The following FAM20B variants were observed in gnomAD, a reference collection of about 807,000 sequenced individuals.
The protein encoded by FAM20B is FAM20B glycosaminoglycan xylosylkinase.
FAM20B carries 23 observed loss-of-function variants against 43.8 expected under a neutral mutation model. That is an observed-to-expected ratio of 0.53 (90% CI 0.38 to 0.74). The LOEUF is 0.74. FAM20B is among the 30% of genes least tolerant of loss of function. FAM20B has a pLI of 0.00. For synonymous variants in FAM20B, 178 were observed against 192.4 expected, an observed-to-expected ratio of 0.93 and a Z score of 0.62; for missense variants, 440 against 510.5, an observed-to-expected ratio of 0.86 and a Z score of 1.33.
rs988612010 is a variant in FAM20B at position 179,037,280 on chromosome 1, A to G, written c.-133-6435A>G. Among the ~76,000 whole-genome samples the G allele has an allele frequency of 1.2e-4, 19 of 152,272 alleles. 1 individual carries two copies. The East Asian group carries it at 3.7e-3, about 29-fold the overall frequency. ...TGGAAATGAAAGACGGCTGTAAAGA[A>G]CAATGACAAATTGCACTCTTACTCA... On this transcript the variant is annotated intron_variant, in intron 1 of 7. Transcript: ENST00000263733.
chr1:179,019,284 C>T, the FAM20B span, among the ~76,000 whole-genome samples: 1 of 152,212 alleles, frequency 6.6e-6, no homozygotes, highest in East Asian at 1.9e-4. Context: ...GGTTGGGTGG[C>T]TGGAAGGAAG....
At chr1:179,050,512 A>G in intron 3 of FAM20B, 147 bp downstream of exon 3, 1 of 592,820 alleles carries the variant, frequency 1.7e-6, no homozygotes, top group Non-Finnish European at 3.0e-6. Context: ...GTTCCATTAA[A>G]CTTGTATGAG....
chr1:179,057,323 T>A (rs1651265261), intron 4 of FAM20B, among the ~76,000 whole-genome samples: 1 of 152,092 alleles, frequency 6.6e-6, no homozygotes, highest in Admixed American at 6.6e-5. Context: ...TCCAGCCTGG[T>A]CGACAGAGTG....
intron 2 of FAM20B, 87 bp downstream of exon 2, chr1:179,044,311 C>G: frequency 7.0e-7 from 1 of 1,431,938 alleles, no homozygotes; most frequent in African/African-American, 1.4e-5. Flanking sequence ...GTCATCTTCT[C>G]TTGGAAGTCT....
chr1:179,071,445 C>T (rs1290456011), intron 7 of FAM20B, among the ~76,000 whole-genome samples: 2 of 152,196 alleles, frequency 1.3e-5, no homozygotes, highest in African/African-American at 4.8e-5. Flanking sequence ...GTACTTCATT[C>T]CAATCCATGT....
At chr1:179,058,383 A>G (rs1651314543) in intron 4 of FAM20B, among the ~76,000 whole-genome samples, 1 of 152,202 alleles carries the variant, frequency 6.6e-6, no homozygotes, top group Non-Finnish European at 1.5e-5. Flanking sequence ...TAGTGAAAAT[A>G]AAGATGTAAT....
upstream of FAM20B, among the ~76,000 whole-genome samples, chr1:179,023,495 G>T (rs549814247): frequency 1.3e-4 from 20 of 152,136 alleles, no homozygotes; most frequent in Non-Finnish European, 2.5e-4. Flanking sequence ...CCTTAATTGG[G>T]GTTCCTGCCA....
chr1:179,057,970 T>A (rs1217006112), intron 4 of FAM20B, among the ~76,000 whole-genome samples: 1 of 152,216 alleles, frequency 6.6e-6, no homozygotes, highest in East Asian at 1.9e-4. Flanking sequence ...AGGTTTGTAT[T>A]TAACATTTTT....
At chr1:179,042,804 GA>G (rs1326887852) in intron 1 of FAM20B, among the ~76,000 whole-genome samples, 1 of 152,130 alleles carries the variant, frequency 6.6e-6, no homozygotes, top group East Asian at 1.9e-4. Flanking sequence ...ACAGTGGGTA[GA>G]TCCCTTGTGC....
intron 1 of FAM20B, among the ~76,000 whole-genome samples, chr1:179,042,760 G>A (rs1342307703): frequency 6.6e-6 from 1 of 152,196 alleles, no homozygotes; most frequent in Non-Finnish European, 1.5e-5. Context: ...ATGTTGTTCT[G>A]ATGAGAGTCT....
intron 1 of FAM20B, among the ~76,000 whole-genome samples, chr1:179,029,286 T>C (rs1259589851): frequency 6.6e-6 from 1 of 152,234 alleles, no homozygotes; most frequent in Non-Finnish European, 1.5e-5. Context: ...CCTTCAGCTG[T>C]CTCTGTAACC....
the FAM20B span, among the ~76,000 whole-genome samples, chr1:179,017,602 A>G: frequency 1.3e-5 from 2 of 152,166 alleles, no homozygotes; most frequent in Non-Finnish European, 2.9e-5. Flanking sequence ...TGAGCATTCT[A>G]TATTTATTTC....
upstream of FAM20B, among the ~76,000 whole-genome samples, chr1:179,022,381 A>G (rs1649618621): frequency 6.6e-6 from 1 of 152,054 alleles, no homozygotes; most frequent in African/African-American, 2.4e-5. Context: ...TGCTTGATGT[A>G]GAATTAATTT....
chr1:179,036,952 C>G (rs907594758), intron 1 of FAM20B, among the ~76,000 whole-genome samples: 1 of 152,060 alleles, frequency 6.6e-6, no homozygotes, highest in African/African-American at 2.4e-5. Flanking sequence ...TTTTGAGGGA[C>G]TACAGTGTAA....
intron 4 of FAM20B, among the ~76,000 whole-genome samples, chr1:179,060,346 A>G (rs1006693981): frequency 6.6e-6 from 1 of 152,180 alleles, no homozygotes; most frequent in Non-Finnish European, 1.5e-5. Context: ...GCCCAGAATT[A>G]CCTTGTATAT....
chr1:179,040,004 C>G (rs1160101557), intron 1 of FAM20B, among the ~76,000 whole-genome samples: 1 of 152,188 alleles, frequency 6.6e-6, no homozygotes, highest in East Asian at 1.9e-4. Context: ...ATCCATTTAA[C>G]CCTGAGTGGA....
In FAM20B at chr1:179,050,420, T is replaced by C. The variant is rs1281460115; in HGVS notation, c.464+55T>C. ...TTTTGTTTGCTTTCAAAAATCTTTCTTGGAGAGGACTCGTGGACTCCTTCA... is the reference window on the plus strand; with the variant it reads ...TTTTGTTTGCTTTCAAAAATCTTTCCTGGAGAGGACTCGTGGACTCCTTCA... On this transcript the variant is annotated intron_variant, in intron 3 of 7. Coordinates refer to ENST00000263733, the MANE Select transcript of FAM20B (RefSeq NM_014864.4). 4.4e-6 allele frequency: 6 copies of C among 1,374,110 alleles called. No homozygotes were observed. The Admixed American group carries it at 1.0e-4, about 23-fold the overall frequency. 85.1% of individuals were successfully genotyped at this position (1,374,110 alleles called of 1,614,324 possible).
chr1:179,018,001 C>T, the FAM20B span, among the ~76,000 whole-genome samples: 1 of 152,200 alleles, frequency 6.6e-6, no homozygotes, highest in Admixed American at 6.5e-5. Flanking sequence ...GAGTAAGCTG[C>T]TGATTAGCAG....
At chr1:179,053,260 G>T (rs1651081882) in intron 3 of FAM20B, among the ~76,000 whole-genome samples, 1 of 152,050 alleles carries the variant, frequency 6.6e-6, no homozygotes, top group Non-Finnish European at 1.5e-5. Context: ...CTGTTCTTGG[G>T]CTTGGCAATT....
Sources: gnomAD v4.1 joint callset for allele counts (sites outside exome capture counted in the v4.1 genomes callset) on GRCh38, gnomAD v4.1.1 for gene constraint, MANE v1.5 for transcripts, NCBI Gene and HGNC (gene_info 2026-07-23, HGNC 2026-07-21) for gene names.